The following GLYATL2 variants were observed in gnomAD, a reference collection of about 807,000 sequenced individuals.
GLYATL2 encodes the protein glycine N-acyltransferase-like protein 2.
In GLYATL2, 25 loss-of-function variants were observed where a neutral mutation model predicts 21.4. The ratio of observed to expected loss-of-function variants is 1.17; its 90% confidence interval spans 0.85 to 1.63. The LOEUF is 1.63. Ranked by LOEUF, GLYATL2 falls within the 40% of genes most tolerant of loss-of-function variation. GLYATL2 has a pLI of 0.00. For synonymous variants in GLYATL2, 114 were observed against 118.2 expected, an observed-to-expected ratio of 0.96 and a Z score of 0.23; for missense variants, 361 against 343.3, an observed-to-expected ratio of 1.05 and a Z score of -0.41.
rs144887331 is a variant in GLYATL2, at chr11:58,859,279, G to T, written n.61-20911C>A. On this transcript the variant is annotated intron_variant and non_coding_transcript_variant, in intron 1 of 4. Coordinates refer to the GLYATL2 transcript ENST00000533636. ...CCTGCCTCCATTCCACACTACCCTA[G>T]GGAATACCTGGATTCCCCACTCTGT... Among the ~76,000 whole-genome samples, 40 of 152,014 alleles carry T rather than the reference G, an allele frequency of 2.6e-4. No homozygotes were observed. The East Asian group carries it at 5.6e-3, about 21-fold the overall frequency.
intron 1 of GLYATL2, among the ~76,000 whole-genome samples, chr11:58,873,980 T>A (rs1854176100): frequency 6.6e-6 from 1 of 152,236 alleles, no homozygotes. Context: ...TATTGGTCTA[T>A]TGAGAGATTC....
At chr11:58,869,615 T>C (rs1026887222) in intron 1 of GLYATL2, among the ~76,000 whole-genome samples, 1 of 152,222 alleles carries the variant, frequency 6.6e-6, no homozygotes, top group Admixed American at 6.5e-5. Context: ...TAGATGTGTT[T>C]ATGTGTATGC....
chr11:58,851,094 T>C (rs1286776755), intron 1 of GLYATL2, among the ~76,000 whole-genome samples: 1 of 152,134 alleles, frequency 6.6e-6, no homozygotes, highest in Non-Finnish European at 1.5e-5. Flanking sequence ...TATCAATCAT[T>C]GGAGATGACT....
At chr11:58,881,752 G>A (rs190656059) in intron 1 of GLYATL2, among the ~76,000 whole-genome samples, 5 of 151,828 alleles carry the variant, frequency 3.3e-5, no homozygotes, top group South Asian at 2.1e-4. Context: ...TCCACCCCAC[G>A]ACAGGCCCCA....
intron 1 of GLYATL2, among the ~76,000 whole-genome samples, chr11:58,851,295 A>C (rs1228526503): frequency 7.2e-5 from 11 of 152,134 alleles, no homozygotes; most frequent in Non-Finnish European, 1.3e-4. Context: ...AGAAAAACGC[A>C]CAGACCCTGT....
chr11:58,878,363 G>A, intron 1 of GLYATL2: 1 of 656,782 alleles, frequency 1.5e-6, no homozygotes, highest in Non-Finnish European at 2.2e-6. Context: ...TGATCTCTCA[G>A]AGTGGCTGAG....
chr11:58,879,441 TACTA>T (rs746912930), intron 1 of GLYATL2, among the ~76,000 whole-genome samples: 12 of 152,240 alleles, frequency 7.9e-5, no homozygotes, highest in Admixed American at 2.6e-4. Flanking sequence ...AACTCATATT[TACTA>T]ACTGTCATTC....
chr11:58,870,397 A>G (rs2134602033), intron 1 of GLYATL2, among the ~76,000 whole-genome samples: 1 of 152,292 alleles, frequency 6.6e-6, no homozygotes, highest in East Asian at 1.9e-4. Context: ...TAAGTCATGG[A>G]GAACTTAGAG....
chr11:58,852,567 A>G (rs1853760328), intron 1 of GLYATL2, among the ~76,000 whole-genome samples: 1 of 152,224 alleles, frequency 6.6e-6, no homozygotes, highest in Admixed American at 6.5e-5. Context: ...CAGGAAATTG[A>G]GATAGAGATA....
intron 5 of GLYATL2, among the ~76,000 whole-genome samples, chr11:58,836,306 T>G (rs766554772): frequency 9.9e-5 from 15 of 152,074 alleles, no homozygotes; most frequent in Non-Finnish European, 1.8e-4. Context: ...TTTTAATGGC[T>G]GCATAGTATT....
chr11:58,890,574 G>C (rs886903669), intron 1 of GLYATL2, among the ~76,000 whole-genome samples: 5 of 152,098 alleles, frequency 3.3e-5, no homozygotes, highest in Admixed American at 3.3e-4. Flanking sequence ...TTAAAGGGTA[G>C]ATATTTCATT....
At chr11:58,850,104 A>G (rs1853713068) in intron 1 of GLYATL2, among the ~76,000 whole-genome samples, 1 of 152,172 alleles carries the variant, frequency 6.6e-6, no homozygotes, top group African/African-American at 2.4e-5. Context: ...TATTGATGCA[A>G]AAATCCTCAT....
chr11:58,885,938 A>G (rs577402591), intron 1 of GLYATL2, among the ~76,000 whole-genome samples: 19 of 152,304 alleles, frequency 1.2e-4, no homozygotes, highest in South Asian at 4.1e-4. Flanking sequence ...CTCAGGGCCA[A>G]GCATGGTGTC....
intron 2 of GLYATL2, 53 bp downstream of exon 2, chr11:58,839,482 T>G: frequency 9.1e-7 from 1 of 1,102,228 alleles, no homozygotes; most frequent in Non-Finnish European, 1.4e-6. Context: ...CCTGAATCTG[T>G]CCTCCTCTCA....
chr11:58,863,627 A>G (rs1853971605), intron 1 of GLYATL2, among the ~76,000 whole-genome samples: 1 of 152,146 alleles, frequency 6.6e-6, no homozygotes, highest in African/African-American at 2.4e-5. Flanking sequence ...GCCTGAGACC[A>G]TAGGTGGTAG....
At chr11:58,900,404 A>C (rs59695182) in intron 1 of GLYATL2, among the ~76,000 whole-genome samples, 1,673 of 152,308 alleles carry the variant, frequency 0.011, 35 homozygotes, top group African/African-American at 0.038. Flanking sequence ...AAACCTATGG[A>C]AGGTGCGAAA....
chr11:58,845,058 CA>C (rs1368629313), upstream of GLYATL2, among the ~76,000 whole-genome samples: 2 of 152,082 alleles, frequency 1.3e-5, no homozygotes, highest in African/African-American at 4.8e-5. Flanking sequence ...AGAAAAGTTT[CA>C]GGGGGACTGG....
At chr11:58,886,159 T>C (rs1014405422) in intron 1 of GLYATL2, among the ~76,000 whole-genome samples, 9 of 152,092 alleles carry the variant, frequency 5.9e-5, no homozygotes, top group African/African-American at 1.7e-4. Context: ...CGAGGTTGCA[T>C]TGAGCCAAGA....
In GLYATL2 at chr11:58,899,311, T is replaced by C. The variant is rs114135518; in HGVS notation, n.60+4845A>G. On this transcript the variant is annotated intron_variant and non_coding_transcript_variant, in intron 1 of 4. Transcript: ENST00000533636. Reference sequence around the variant, plus strand: ...ACAGGGCAAAGCTGTCTCCCTCCACTCCCAACCGTTTCTCAGTCAGTGTGG... The same window carrying C: ...ACAGGGCAAAGCTGTCTCCCTCCACCCCCAACCGTTTCTCAGTCAGTGTGG... 8.7e-3 allele frequency among the ~76,000 whole-genome samples: 1,310 copies of C among 150,972 alleles called. 11 individuals carry two copies. The highest frequency in any genetic ancestry group is 0.029 in the African/African-American group (1,201 of 41,264).
Sources: allele counts gnomAD v4.1 joint callset (sites outside exome capture counted in the v4.1 genomes callset), GRCh38; gene constraint gnomAD v4.1.1; transcripts MANE v1.5; gene names NCBI Gene and HGNC (gene_info 2026-07-23, HGNC 2026-07-21).